The following CLPB variants were observed in gnomAD, a reference collection of about 807,000 sequenced individuals.
CLPB encodes mitochondrial disaggregase.
A neutral mutation model predicts 78.4 loss-of-function variants in CLPB; 40 were observed. The ratio of observed to expected loss-of-function variants is 0.51; its 90% CI spans 0.40 to 0.66. The LOEUF is 0.66. Among genes scored for constraint, CLPB ranks in the 30% least tolerant of loss-of-function variants. The probability of loss-of-function intolerance (pLI) is 0.00; values close to 1 mark genes in which losing one functional copy is unlikely to be tolerated. For missense variants in CLPB, 780 were observed against 886.9 expected (o/e 0.88, Z 1.53); for synonymous variants, 333 against 348.0 (o/e 0.96, Z 0.48).
chr11:72,410,056 C>T (rs1333013662), intron 2 of CLPB, among the ~76,000 whole-genome samples: 1 of 152,006 alleles, frequency 6.6e-6, no homozygotes, highest in African/African-American at 2.4e-5. Flanking sequence ...TGGTAAAACC[C>T]CATCTCTATT....
chr11:72,425,088 A>G (rs1856332918), intron 2 of CLPB, among the ~76,000 whole-genome samples: 1 of 152,094 alleles, frequency 6.6e-6, no homozygotes, highest in African/African-American at 2.4e-5. Context: ...AAACAACAAA[A>G]AAGTGTCTCT....
intron 2 of CLPB, among the ~76,000 whole-genome samples, chr11:72,412,678 C>A (rs1244771262): frequency 6.6e-6 from 1 of 152,164 alleles, no homozygotes; most frequent in Non-Finnish European, 1.5e-5. Context: ...GTCAGCCCTA[C>A]CTAACATGGG....
At position 72,408,829 on chromosome 11, in the gene CLPB, C is replaced by T. The variant is rs185589822; in HGVS notation, c.456-5777G>A. On this transcript the variant is annotated intron_variant, in intron 2 of 15. Coordinates refer to ENST00000538039, the MANE Select transcript of CLPB (RefSeq NM_001258392.3). ...AGGTCTCCTGCATTTCACTGTGTTG[C>T]TCTGCAAGTGAATGCACAGTGGGCA... Among the ~76,000 whole-genome samples, 61 of 152,278 alleles carry T rather than the reference C, an allele frequency of 4.0e-4. 1 individual carries two copies. The highest frequency in any genetic ancestry group is 1.4e-3 in the African/African-American group (58 of 41,548).
intron 7 of CLPB, among the ~76,000 whole-genome samples, chr11:72,310,345 T>C (rs1034866543): frequency 1.3e-5 from 2 of 152,212 alleles, no homozygotes; most frequent in African/African-American, 4.8e-5. Flanking sequence ...AAGCTCAGTA[T>C]AACCTCTCTC....
At chr11:72,395,908 G>C (rs144597793) in intron 3 of CLPB, among the ~76,000 whole-genome samples, 7 of 152,284 alleles carry the variant, frequency 4.6e-5, no homozygotes, top group Non-Finnish European at 8.8e-5. Context: ...TCTGCTCTTC[G>C]CTCTAAGAAC....
chr11:72,359,549 C>T (rs532247746), intron 4 of CLPB, among the ~76,000 whole-genome samples: 1 of 152,282 alleles, frequency 6.6e-6, no homozygotes, highest in South Asian at 2.1e-4. Flanking sequence ...AAAATGTTTA[C>T]ATTCTAGTAA....
intron 1 of CLPB, among the ~76,000 whole-genome samples, chr11:72,432,196 CTG>C (rs1376861248): frequency 6.6e-6 from 1 of 152,104 alleles, no homozygotes; most frequent in Admixed American, 6.5e-5. Flanking sequence ...TGCCCCGAAA[CTG>C]TTATTTCCAT....
intron 10 of CLPB, 52 bp from the exon 11 acceptor site, chr11:72,302,016 C>A: frequency 6.3e-7 from 1 of 1,590,860 alleles, no homozygotes; most frequent in Non-Finnish European, 8.6e-7. Context: ...CTTTTAGTTT[C>A]CAACATGGGG....
chr11:72,368,824 G>C (rs1157585251), intron 4 of CLPB, among the ~76,000 whole-genome samples: 2 of 152,180 alleles, frequency 1.3e-5, no homozygotes, highest in African/African-American at 4.8e-5. Context: ...CCGATGGCTG[G>C]AGGACCATTC....
At chr11:72,309,480 G>A (rs1949805078) in intron 7 of CLPB, among the ~76,000 whole-genome samples, 1 of 152,166 alleles carries the variant, frequency 6.6e-6, no homozygotes, top group Admixed American at 6.5e-5. Flanking sequence ...CATGCTGTAT[G>A]CTAAGCACAA....
intron 5 of CLPB, among the ~76,000 whole-genome samples, chr11:72,334,353 C>T (rs1015964135): frequency 3.9e-5 from 6 of 152,186 alleles, no homozygotes; most frequent in Admixed American, 3.3e-4. Flanking sequence ...CTCCACCTGA[C>T]CATTCACGGA....
chr11:72,423,846 A>G (rs896599337), intron 2 of CLPB, among the ~76,000 whole-genome samples: 8 of 152,198 alleles, frequency 5.3e-5, no homozygotes, highest in Non-Finnish European at 1.0e-4. Flanking sequence ...TCTAGGGTCC[A>G]GCCTTATTGG....
intron 5 of CLPB, among the ~76,000 whole-genome samples, chr11:72,347,039 G>C (rs1310918122): frequency 6.8e-6 from 1 of 147,284 alleles, no homozygotes; most frequent in Non-Finnish European, 1.5e-5. Flanking sequence ...CATTTTGACA[G>C]TATTAGAAAA....
At chr11:72,341,788 G>A (rs1224769106) in intron 5 of CLPB, among the ~76,000 whole-genome samples, 1 of 152,222 alleles carries the variant, frequency 6.6e-6, no homozygotes, top group Non-Finnish European at 1.5e-5. Flanking sequence ...GGTGGCAGAA[G>A]TCACTTTAGA....
chr11:72,360,192 TG>T (rs1164799091), intron 4 of CLPB, among the ~76,000 whole-genome samples: 1 of 152,194 alleles, frequency 6.6e-6, no homozygotes, highest in Non-Finnish European at 1.5e-5. Flanking sequence ...GGGTAGAATT[TG>T]GGTCCTGACT....
intron 2 of CLPB, chr11:72,428,933 G>A (rs896734518): frequency 6.6e-6 from 1 of 152,238 alleles, no homozygotes; most frequent in Non-Finnish European, 1.5e-5. Flanking sequence ...ATCCCCTGGG[G>A]GATGGAAGAG....
intron 7 of CLPB, among the ~76,000 whole-genome samples, chr11:72,313,487 AC>A (rs1949884030): frequency 6.6e-6 from 1 of 152,234 alleles, no homozygotes; most frequent in Non-Finnish European, 1.5e-5. Flanking sequence ...GAGTTCAACA[AC>A]TTTTTATACA....
In CLPB at chr11:72,301,743, T is replaced by C. The variant is rs192902421; in HGVS notation, c.1329+60A>G. On this transcript the variant is annotated intron_variant, in intron 11 of 15. Coordinates refer to ENST00000538039, the MANE Select transcript of CLPB (RefSeq NM_001258392.3). ...GCCTCTGGGCCCTTGCTTTCTGCTGTTCACAGTCCCCCTTATCTCCAGGTG... is the reference window on the plus strand; with the variant it reads ...GCCTCTGGGCCCTTGCTTTCTGCTGCTCACAGTCCCCCTTATCTCCAGGTG... 4,649 of 1,561,286 alleles carry C rather than the reference T, an allele frequency of 3.0e-3. 10 individuals carry two copies. The highest frequency in any genetic ancestry group is 3.3e-3 in the Non-Finnish European group (3,805 of 1,149,246).
chr11:72,377,153 A>G (rs906577996), intron 4 of CLPB, among the ~76,000 whole-genome samples: 5 of 152,206 alleles, frequency 3.3e-5, no homozygotes, highest in African/African-American at 1.2e-4. Flanking sequence ...AAAGCTCTTA[A>G]AATTTTGTGA....
Sources: allele counts gnomAD v4.1 joint callset (sites outside exome capture counted in the v4.1 genomes callset), GRCh38; gene constraint gnomAD v4.1.1; transcripts MANE v1.5; gene names NCBI Gene and HGNC (gene_info 2026-07-23, HGNC 2026-07-21).